Variants in ABCC4 observed in about 807,000 individuals in gnomAD.
The protein encoded by ABCC4 is ATP binding cassette subfamily C member 4 (PEL blood group), also known as ATP-binding cassette sub-family C member 4.
In ABCC4, 102 loss-of-function variants were observed where a neutral mutation model predicts 168.5. The ratio of observed to expected loss-of-function variants is 0.61; its 90% CI spans 0.52 to 0.71. The LOEUF is 0.71. ABCC4 is among the 30% of genes least tolerant of loss of function. The pLI is 0.00. For missense variants in ABCC4, 1,402 were observed against 1,605.8 expected (o/e 0.87, Z 2.17); for synonymous variants, 617 against 590.7 (o/e 1.04, Z -0.65).
At chr13:95,237,436 C>T (rs976808671) in intron 3 of ABCC4, among the ~76,000 whole-genome samples, 8 of 152,330 alleles carry the variant, frequency 5.3e-5, no homozygotes, top group Non-Finnish European at 1.2e-4. Context: ...ACCTTAGAGA[C>T]CAACCAATCT....
chr13:95,143,134 A>G (rs1331584687), intron 19 of ABCC4, among the ~76,000 whole-genome samples: 4 of 152,304 alleles, frequency 2.6e-5, no homozygotes, highest in Admixed American at 6.5e-5. Context: ...CAGGTTTGAT[A>G]CTGAACCATC....
At chr13:95,244,085 A>T (rs2040019388) in intron 3 of ABCC4, among the ~76,000 whole-genome samples, 2 of 152,232 alleles carry the variant, frequency 1.3e-5, no homozygotes, top group South Asian at 2.1e-4. Context: ...AGCTCTTAGC[A>T]TCTGACTTAT....
intron 18 of ABCC4, 90 bp downstream of exon 18, chr13:95,163,032 T>C: frequency 2.4e-6 from 2 of 836,312 alleles, no homozygotes; most frequent in Non-Finnish European, 4.1e-6. Context: ...AAGACATTAC[T>C]GAATGACTCC....
chr13:95,078,080 G>C (rs979002742), intron 21 of ABCC4, among the ~76,000 whole-genome samples: 1 of 152,114 alleles, frequency 6.6e-6, no homozygotes, highest in African/African-American at 2.4e-5. Flanking sequence ...CTAACTTTTA[G>C]GGGCCCTCTC....
At chr13:95,056,462 G>C (rs1032786862) in intron 26 of ABCC4, among the ~76,000 whole-genome samples, 2 of 152,156 alleles carry the variant, frequency 1.3e-5, no homozygotes, top group Non-Finnish European at 2.9e-5. Flanking sequence ...AAGAATTTAA[G>C]TCGTGTAAAG....
chr13:95,184,287 T>G (rs1052283754), intron 11 of ABCC4, among the ~76,000 whole-genome samples: 4 of 152,230 alleles, frequency 2.6e-5, no homozygotes, highest in Admixed American at 2.0e-4. Flanking sequence ...CTGGGTGACC[T>G]GGGACCTGGA....
At chr13:95,066,408 C>T (rs988988261) in intron 25 of ABCC4, among the ~76,000 whole-genome samples, 5 of 150,760 alleles carry the variant, frequency 3.3e-5, no homozygotes, top group African/African-American at 5.0e-5. Flanking sequence ...TTCTACTAGG[C>T]GACAGGTGCT....
rs2037096202 is a variant in ABCC4 at position 95,161,402 on chromosome 13, G to C, written c.2309-67C>G. On this transcript the variant is annotated intron_variant, in intron 18 of 30. Coordinates refer to ENST00000645237, the MANE Select transcript of ABCC4 (RefSeq NM_005845.5). ...TGCATTTTCTTCAATAGTTGCTAAA[G>C]CAAGCCAGGTAGTTTATAAAGATGT... 3.9e-6 allele frequency: 5 copies of C among 1,290,850 alleles called. No homozygotes were observed. The East Asian group carries it at 1.3e-4, about 33-fold the overall frequency. The allele number at this position is 1,290,850 out of a possible 1,614,324, so 80.0% of individuals were successfully genotyped here. A position where few individuals can be genotyped will look rare whatever the true frequency, so the allele number is the denominator to read the frequency against.
chr13:95,182,082 G>A (rs7332625), intron 11 of ABCC4, among the ~76,000 whole-genome samples: 6 of 152,082 alleles, frequency 3.9e-5, no homozygotes, highest in African/African-American at 1.2e-4. Flanking sequence ...GAGCCACCAC[G>A]CCGGGCCCTC....
chr13:95,182,908 C>G (rs114176451), intron 11 of ABCC4, among the ~76,000 whole-genome samples: 5,928 of 152,146 alleles, frequency 0.039, 389 homozygotes, highest in African/African-American at 0.13. Context: ...TAGCCTAAAG[C>G]AATACTGCTA....
At chr13:95,132,967 G>C (rs140860593) in intron 19 of ABCC4, among the ~76,000 whole-genome samples, 2 of 152,212 alleles carry the variant, frequency 1.3e-5, no homozygotes, top group Non-Finnish European at 2.9e-5. Context: ...AGTTTGGGAA[G>C]ATGGATAAGT....
chr13:95,040,380 C>G lies in ABCC4; in HGVS notation c.3735+3302G>C, dbSNP rs1470990864. On this transcript the variant is annotated intron_variant, in intron 29 of 30. Coordinates refer to ENST00000645237, the MANE Select transcript of ABCC4 (RefSeq NM_005845.5). ...CCGAGTAGCTGGGATTACAGGCACACGGCACCACGCCCAGCTAATTTTTCT... is the reference window on the plus strand; with the variant it reads ...CCGAGTAGCTGGGATTACAGGCACAGGGCACCACGCCCAGCTAATTTTTCT... Among the ~76,000 whole-genome samples, 5 of 152,196 alleles carry G rather than the reference C, an allele frequency of 3.3e-5. No individual in the cohort carries two copies. The East Asian group carries it at 9.7e-4, about 29-fold the overall frequency.
At chr13:95,214,884 CAAA>C (rs60962674) in intron 4 of ABCC4, among the ~76,000 whole-genome samples, 3 of 88,592 alleles carry the variant, frequency 3.4e-5, no homozygotes, top group Non-Finnish European at 4.5e-5. Context: ...GACTCCAATT[CAAA>C]AAAAAAAAAA....
chr13:95,238,289 G>A (rs936085257), intron 3 of ABCC4, among the ~76,000 whole-genome samples: 3 of 151,970 alleles, frequency 2.0e-5, no homozygotes, highest in Admixed American at 1.3e-4. Context: ...GGTGAATCTG[G>A]GGAAATAATA....
chr13:95,205,252 T>TAACA (rs2038747803), intron 8 of ABCC4, among the ~76,000 whole-genome samples: 1 of 152,092 alleles, frequency 6.6e-6, no homozygotes, highest in Non-Finnish European at 1.5e-5. Flanking sequence ...CCAGCCTGGG[T>TAACA]AACACAGCAA....
intron 22 of ABCC4, 55 bp downstream of exon 22, chr13:95,075,377 G>A (rs2033862221): frequency 6.2e-7 from 1 of 1,610,070 alleles, no homozygotes; most frequent in South Asian, 1.1e-5. Flanking sequence ...GGGAGGTTAA[G>A]CCAGAAAAAG....
chr13:95,079,306 T>C (rs1594061322), intron 21 of ABCC4, among the ~76,000 whole-genome samples: 1 of 152,316 alleles, frequency 6.6e-6, no homozygotes, highest in African/African-American at 2.4e-5. Flanking sequence ...CTACAGAGAT[T>C]TTCTGTCTTC....
intron 3 of ABCC4, 83 bp downstream of exon 3, chr13:95,246,892 C>A: frequency 6.8e-7 from 1 of 1,474,440 alleles, no homozygotes; most frequent in Non-Finnish European, 9.2e-7. Context: ...TCTGTTCCCC[C>A]ATCCATTACA....
rs1044690665 is a variant in ABCC4 at position 95,234,599 on chromosome 13, A to C, written c.531+11T>G. On this transcript the variant is annotated intron_variant, in intron 4 of 30. Coordinates refer to ENST00000645237, the MANE Select transcript of ABCC4 (RefSeq NM_005845.5). The stretch of plus-strand genomic sequence containing the variant: ...AGGTGAGGTACATGTTTAATGCTGA[A>C]TGTCACTTACCTTCCGATAAATCAT... 7.5e-6 allele frequency: 12 copies of C among 1,607,578 alleles called. No homozygotes were observed. The South Asian group carries it at 1.2e-4, about 16-fold the overall frequency.
Sources: gnomAD v4.1 joint callset for allele counts (sites outside exome capture counted in the v4.1 genomes callset) on GRCh38, gnomAD v4.1.1 for gene constraint, MANE v1.5 for transcripts, NCBI Gene and HGNC (gene_info 2026-07-23, HGNC 2026-07-21) for gene names.